Variants in NME6 observed in about 807,000 individuals in gnomAD.
The protein encoded by NME6 is NME/NM23 nucleoside diphosphate kinase 6.
NME6 carries 16 observed loss-of-function variants against 22.2 expected under a neutral mutation model. That is an observed-to-expected ratio of 0.72 (90% CI 0.49 to 1.09). The LOEUF (loss-of-function observed/expected upper bound fraction) is 1.09. Ranked by LOEUF, NME6 falls within the 50% of genes least tolerant of loss-of-function variation. The pLI, the probability that NME6 is intolerant of heterozygous loss-of-function variation, is 0.00. For missense variants in NME6, 229 were observed against 239.0 expected (o/e 0.96, Z 0.28); for synonymous variants, 58 against 85.2 (o/e 0.68, Z 1.76).
At chr3:48,289,747 A>G (rs534652352), downstream of NME6, among the ~76,000 whole-genome samples, 1 of 152,340 alleles carries the variant, frequency 6.6e-6, no homozygotes, top group African/African-American at 2.4e-5. Flanking sequence ...AAGATGGGGG[A>G]AAACCAACAC....
chr3:48,296,625 C>T (rs1210992125), intron 3 of NME6, 102 bp downstream of exon 3: 15 of 779,262 alleles, frequency 1.9e-5, no homozygotes, highest in East Asian at 9.9e-5. Flanking sequence ...CAACTGTACA[C>T]GGTTGGTAGG....
rs2106929170 is a variant in NME6 at position 48,294,736 on chromosome 3, A to C, written c.462T>G (p.Tyr154Ter). 6.2e-7 allele frequency: 1 copy of C among 1,614,136 alleles called. No individual in the cohort carries two copies. Among genetic ancestry groups the C allele is most frequent in the Non-Finnish European group, 8.5e-7 (1 of 1,180,012 alleles). The change falls in exon 6 of 6, where the codon TAT becomes TAG. Residue 154 changes from tyrosine to a stop codon, truncating the protein, a stop_gained. Transcript: ENST00000442597. LOFTEE classifies it high-confidence loss of function. ...FFPDFSEQRWYEEEEPQLRCG... is the reference protein window; with the variant it reads ...FFPDFSEQRW ...AGCGCAACTGGGGCTCTTCCTCCTC[A>C]TACCAGCGCTGTTCACTGAAGTCAG...
In NME6 at chr3:48,293,919, G is replaced by C. The variant is rs1336030647; in HGVS notation, c.*718C>G. ...GAAGAGAGTGTTTCTGGAGAATGAA[G>C]CAATAACTGAATGCTGCTGAGAAGT... On this transcript the variant is annotated 3_prime_UTR_variant, in exon 6 of 6. Coordinates refer to ENST00000442597, the MANE Select transcript of NME6 (RefSeq NM_001308426.2). 6.6e-6 allele frequency: 1 copy of C among 152,202 alleles called. No homozygotes were observed. Among genetic ancestry groups the C allele is most frequent in the African/African-American group, 2.4e-5 (1 of 41,440 alleles). 9.4% of individuals were successfully genotyped at this position (152,202 alleles called of 1,614,324 possible).
chr3:48,294,938 C>G (rs2034901558), intron 5 of NME6, 135 bp from the exon 6 acceptor site: 17 of 1,391,470 alleles, frequency 1.2e-5, no homozygotes, highest in Middle Eastern at 2.0e-4. Context: ...AGTCCACAGG[C>G]CACATCTGCC....
intron 5 of NME6, 71 bp downstream of exon 5, chr3:48,295,004 G>A (rs181576043): frequency 1.0e-4 from 161 of 1,540,872 alleles, no homozygotes; most frequent in Non-Finnish European, 1.3e-4. Flanking sequence ...GGAGGGACCT[G>A]GCTGTCAACT....
chr3:48,288,304 C>T (rs561505918), downstream of NME6, among the ~76,000 whole-genome samples: 9 of 149,384 alleles, frequency 6.0e-5, no homozygotes, highest in African/African-American at 9.9e-5. Context: ...TCACCTGAGT[C>T]GGGGAGGTGG....
At position 48,294,519 on chromosome 3, in the gene NME6, G is replaced by T; in HGVS notation, c.*118C>A. 2.0e-6 allele frequency: 2 copies of T among 985,344 alleles called. No homozygotes were observed. The highest frequency in any genetic ancestry group is 3.0e-6 in the Non-Finnish European group (2 of 658,300). The allele number at this position is 985,344 out of a possible 1,614,324, so 61.0% of individuals were successfully genotyped here. A position where few individuals can be genotyped will look rare whatever the true frequency, so the allele number is the denominator to read the frequency against. On this transcript the variant is annotated 3_prime_UTR_variant, in exon 6 of 6. Transcript: ENST00000442597. Reference sequence around the variant, plus strand: ...TGTGGTGAGCTAGGCCCTCAGGCAGGTGGTGGTGCCCAGCAGAAATGGCAC... The same window carrying T: ...TGTGGTGAGCTAGGCCCTCAGGCAGTTGGTGGTGCCCAGCAGAAATGGCAC...
At chr3:48,294,851 A>AAGAGGC in intron 5 of NME6, 48 bp from the exon 6 acceptor site, 1 of 1,589,246 alleles carries the variant, frequency 6.3e-7, no homozygotes, top group Non-Finnish European at 8.6e-7. Context: ...TGGTAGAAGC[A>AAGAGGC]AGAGGCAGTC....
intron 4 of NME6, chr3:48,295,484 C>T: frequency 2.1e-6 from 1 of 475,314 alleles, no homozygotes; most frequent in Non-Finnish European, 3.7e-6. Context: ...AGGTGCCTAA[C>T]AGGTCAGCAT....
At chr3:48,296,901 C>T (rs1031893334) in intron 2 of NME6, 72 bp from the exon 3 acceptor site, 4 of 1,173,820 alleles carry the variant, frequency 3.4e-6, no homozygotes, top group African/African-American at 1.5e-5. Flanking sequence ...CCATGAGGAC[C>T]ACTTGTTGCT....
Position 48,295,138 on chromosome 3 carries a change from C to T in NME6, c.331G>A (p.Ala111Thr). 4.3e-6 allele frequency: 7 copies of T among 1,614,154 alleles called. No homozygotes were observed. The highest frequency in any genetic ancestry group is 5.9e-6 in the Non-Finnish European group (7 of 1,180,034). The change falls in exon 5 of 6, where the codon GCC becomes ACC. Residue 111 changes from alanine (A) to threonine (T), a missense_variant. By Grantham distance (58) the Ala-to-Thr change is moderately conservative (BLOSUM62 0). Transcript: ENST00000442597. Reference protein sequence around the residue: ...PTRVFRARHVAPDSIRGSFGL... With the variant: ...PTRVFRARHVTPDSIRGSFGL... ...AAACTCCCACGGATAGAATCTGGGG[C>T]CACATGGCGTGCTCGGAACACTCTG...
intron 1 of NME6, chr3:48,298,885 T>A: frequency 1.4e-6 from 1 of 690,786 alleles, no homozygotes; most frequent in South Asian, 1.5e-5. Context: ...CAATTTATAC[T>A]CCTAAACAGC....
rs944885480 is a variant in NME6 at position 48,298,436 on chromosome 3, C to T, written c.81G>A (p.Leu27=). 1.9e-6 allele frequency: 3 copies of T among 1,613,938 alleles called. No homozygotes were observed. The African/African-American group carries it at 4.0e-5, about 22-fold the overall frequency. The part of the protein sequence containing the change: ...LIKPDAVAHP[L]ILEAVHQQIL... Reference sequence around the variant, plus strand: ...TAGGATTCATTCTTACCTCCAGAATCAGTGGATGGGCGACTGCGTCAGGCT... The same window carrying T: ...TAGGATTCATTCTTACCTCCAGAATTAGTGGATGGGCGACTGCGTCAGGCT... The change falls in exon 2 of 6, where the codon CTG becomes CTA. Residue 27 remains leucine, a synonymous_variant. Coordinates refer to ENST00000442597, the MANE Select transcript of NME6 (RefSeq NM_001308426.2).
rs2035304616 is a variant in NME6, at chr3:48,298,126, A to G, written c.90+301T>C. ...AAACTACTGAACTGTGAAATAACAAATAAGTGTTGTTTTAAGCTCTCAAGT... is the reference window on the plus strand; with the variant it reads ...AAACTACTGAACTGTGAAATAACAAGTAAGTGTTGTTTTAAGCTCTCAAGT... On this transcript the variant is annotated intron_variant, in intron 2 of 5. Transcript: ENST00000442597. The G allele has an allele frequency of 2.3e-5, 9 of 392,520 alleles. No individual in the cohort carries two copies. In the East Asian group the frequency reaches 2.5e-4, roughly 11 times the overall value. 24.3% of individuals were successfully genotyped at this position (392,520 alleles called of 1,614,324 possible). A position where few individuals can be genotyped will look rare whatever the true frequency, so the allele number is the denominator to read the frequency against.
chr3:48,294,962 A>T, intron 5 of NME6, 113 bp downstream of exon 5: 1 of 1,451,462 alleles, frequency 6.9e-7, no homozygotes, highest in East Asian at 2.3e-5. Flanking sequence ...ATGGCTACAA[A>T]GACCAGAAAC....
intron 1 of NME6, chr3:48,299,036 A>G (rs2035428824): frequency 1.4e-6 from 1 of 702,090 alleles, no homozygotes; most frequent in Non-Finnish European, 2.6e-6. Context: ...TCTGCTGGAT[A>G]AACACCATCT....
Position 48,294,393 on chromosome 3 carries a change from A to AGGAT in NME6, c.*240_*243dup. ...GGCCTGGCAAGCTTCTTCTTGAAGA[A>AGGAT]GGATGAACAGTTCTCAGCAAAGAGG... On this transcript the variant is annotated 3_prime_UTR_variant, in exon 6 of 6. Coordinates refer to ENST00000442597, the MANE Select transcript of NME6 (RefSeq NM_001308426.2). 1 of 415,890 alleles carries AGGAT rather than the reference A, an allele frequency of 2.4e-6. No homozygotes were observed. The highest frequency in any genetic ancestry group is 4.4e-6 in the Non-Finnish European group (1 of 226,322). 25.8% of individuals were successfully genotyped at this position (415,890 alleles called of 1,614,324 possible).
chr3:48,301,172 C>G (rs2035658963), intron 1 of NME6, 181 bp downstream of exon 1: 1 of 1,261,672 alleles, frequency 7.9e-7, no homozygotes, highest in Admixed American at 2.5e-5. Context: ...ACCTGCGCCC[C>G]TACCCCCGTG....
chr3:48,296,274 G>T, intron 3 of NME6, 116 bp from the exon 4 acceptor site: 1 of 1,458,292 alleles, frequency 6.9e-7, no homozygotes, highest in South Asian at 1.2e-5. Flanking sequence ...AAAGAACAAG[G>T]ACCTTGGAGT....
Sources: allele counts gnomAD v4.1 joint callset (sites outside exome capture counted in the v4.1 genomes callset), GRCh38; gene constraint gnomAD v4.1.1; transcripts MANE v1.5; gene names NCBI Gene and HGNC (gene_info 2026-07-23, HGNC 2026-07-21).